Variants in PEX5L observed in about 807,000 individuals in gnomAD.
PEX5L encodes the protein PEX5-related protein.
A neutral mutation model predicts 84.0 loss-of-function variants in PEX5L; 30 were observed. The observed-to-expected ratio is 0.36, with a 90% CI of 0.27 to 0.48. The LOEUF (loss-of-function observed/expected upper bound fraction) is 0.48, where lower values mean the gene tolerates loss of function less well. PEX5L is among the 20% of genes least tolerant of loss of function. The probability of loss-of-function intolerance (pLI) is 0.99; values close to 1 mark genes in which losing one functional copy is unlikely to be tolerated. For synonymous variants in PEX5L, 270 were observed against 283.1 expected (o/e 0.95, Z 0.46); for missense variants, 533 against 754.6 (o/e 0.71, Z 3.44).
At chr3:180,018,522 A>G (rs1031085483) in intron 1 of PEX5L, among the ~76,000 whole-genome samples, 26 of 152,306 alleles carry the variant, frequency 1.7e-4, no homozygotes, top group Non-Finnish European at 2.8e-4. Context: ...ATGAAAACAT[A>G]TTTTTTGAAG....
chr3:179,827,980 T>A (rs1359780500), intron 8 of PEX5L, among the ~76,000 whole-genome samples: 1 of 152,108 alleles, frequency 6.6e-6, no homozygotes, highest in African/African-American at 2.4e-5. Flanking sequence ...CTAGACAGAA[T>A]TCCTCTCTTG....
chr3:179,915,614 A>G (rs534608056), intron 2 of PEX5L, among the ~76,000 whole-genome samples: 1 of 152,178 alleles, frequency 6.6e-6, no homozygotes, highest in Non-Finnish European at 1.5e-5. Flanking sequence ...GGTAGAGAGC[A>G]TTTTCTGACT....
chr3:179,875,585 G>C, intron 5 of PEX5L, 108 bp from the exon 6 acceptor site: 1 of 710,522 alleles, frequency 1.4e-6, no homozygotes, highest in South Asian at 2.0e-5. Flanking sequence ...GAGGGAAAAA[G>C]ATTAATTAAG....
At chr3:179,902,746 T>C in intron 2 of PEX5L, 3 of 430,370 alleles carry the variant, frequency 7.0e-6, no homozygotes, top group South Asian at 5.1e-5. Context: ...AGTTGCAGAT[T>C]CTATTACTGC....
intron 2 of PEX5L, among the ~76,000 whole-genome samples, chr3:179,941,064 G>A (rs1470588445): frequency 2.0e-5 from 3 of 152,188 alleles, no homozygotes; most frequent in Non-Finnish European, 2.9e-5. Context: ...AGTGGCAGAC[G>A]CAGTGGATAA....
intron 7 of PEX5L, among the ~76,000 whole-genome samples, chr3:179,862,249 A>G (rs1166620677): frequency 6.6e-6 from 1 of 152,248 alleles, no homozygotes; most frequent in Non-Finnish European, 1.5e-5. Flanking sequence ...CAAATAGTTC[A>G]GGAAAGCCTC....
chr3:179,844,719 A>G (rs1738646785), intron 8 of PEX5L, among the ~76,000 whole-genome samples: 1 of 152,212 alleles, frequency 6.6e-6, no homozygotes, highest in East Asian at 1.9e-4. Flanking sequence ...AGTCCCAGCT[A>G]CTCGGGAGGC....
At chr3:179,918,694 T>G (rs1243993474) in intron 2 of PEX5L, among the ~76,000 whole-genome samples, 2 of 152,228 alleles carry the variant, frequency 1.3e-5, no homozygotes, top group African/African-American at 4.8e-5. Context: ...AAGAACCCAG[T>G]GCAGGAAGTT....
intron 2 of PEX5L, among the ~76,000 whole-genome samples, chr3:179,946,083 T>C (rs937059697): frequency 1.3e-5 from 2 of 151,890 alleles, no homozygotes; most frequent in Admixed American, 1.3e-4. Flanking sequence ...TGTCCTTACC[T>C]CTCTTCATTG....
intron 8 of PEX5L, among the ~76,000 whole-genome samples, chr3:179,851,841 G>A (rs1038969194): frequency 9.2e-5 from 14 of 152,144 alleles, no homozygotes; most frequent in African/African-American, 3.1e-4. Context: ...TCTCTTTTGG[G>A]GATCAGAGAG....
At chr3:179,922,431 T>A (rs1239361707) in intron 2 of PEX5L, among the ~76,000 whole-genome samples, 4 of 150,534 alleles carry the variant, frequency 2.7e-5, no homozygotes, top group Middle Eastern at 3.2e-3. Context: ...TTTTAGAATT[T>A]CACTGCTTCC....
chr3:179,995,730 C>T (rs2110395199), intron 1 of PEX5L, among the ~76,000 whole-genome samples: 1 of 152,250 alleles, frequency 6.6e-6, no homozygotes, highest in South Asian at 2.1e-4. Context: ...AGTCTTATCT[C>T]CTGTAGAGAA....
chr3:179,906,593 T>C (rs1394596198), intron 2 of PEX5L, among the ~76,000 whole-genome samples: 2 of 152,194 alleles, frequency 1.3e-5, no homozygotes, highest in Admixed American at 6.5e-5. Context: ...TTTGTTATAG[T>C]TTGAGAGGCC....
intron 8 of PEX5L, among the ~76,000 whole-genome samples, chr3:179,845,371 T>C (rs1226399283): frequency 6.6e-6 from 1 of 152,240 alleles, no homozygotes; most frequent in African/African-American, 2.4e-5. Flanking sequence ...GGCTCATGTA[T>C]GGTATGAATA....
intron 10 of PEX5L, among the ~76,000 whole-genome samples, chr3:179,814,802 G>A (rs1002860008): frequency 3.9e-5 from 6 of 152,014 alleles, no homozygotes; most frequent in African/African-American, 1.2e-4. Context: ...GGCCCCTAGT[G>A]GTTTCCCATG....
At chr3:179,952,743 A>C (rs1030882718) in intron 2 of PEX5L, among the ~76,000 whole-genome samples, 3 of 152,242 alleles carry the variant, frequency 2.0e-5, no homozygotes, top group Non-Finnish European at 4.4e-5. Context: ...CAGAATTAGA[A>C]AAAACTACTT....
chr3:179,918,910 C>A (rs940827662), intron 2 of PEX5L, among the ~76,000 whole-genome samples: 1 of 152,224 alleles, frequency 6.6e-6, no homozygotes, highest in South Asian at 2.1e-4. Context: ...AGGGTTCTTA[C>A]GGAATGAAAA....
chr3:179,840,685 G>C (rs1736913760), intron 8 of PEX5L, among the ~76,000 whole-genome samples: 1 of 152,070 alleles, frequency 6.6e-6, no homozygotes, highest in Non-Finnish European at 1.5e-5. Flanking sequence ...TGATAGAGGT[G>C]GTTTGATTCC....
At chr3:179,880,532 T>A (rs1317035480) in intron 4 of PEX5L, among the ~76,000 whole-genome samples, 2 of 152,216 alleles carry the variant, frequency 1.3e-5, no homozygotes, top group Non-Finnish European at 2.9e-5. Flanking sequence ...TCTTTGTGTT[T>A]TAATTTTAAA....
Sources: allele counts gnomAD v4.1 joint callset (sites outside exome capture counted in the v4.1 genomes callset), GRCh38; gene constraint gnomAD v4.1.1; transcripts MANE v1.5; gene names NCBI Gene and HGNC (gene_info 2026-07-23, HGNC 2026-07-21).